Variants in PLEKHG1 observed in about 807,000 individuals in gnomAD.
PLEKHG1 encodes the protein pleckstrin homology and RhoGEF domain containing G1, also known as pleckstrin homology domain-containing family G member 1.
In PLEKHG1, 44 loss-of-function variants were observed where a neutral mutation model predicts 100.8. The observed-to-expected ratio is 0.44, with a 90% CI of 0.34 to 0.56. The LOEUF (loss-of-function observed/expected upper bound fraction) is 0.56. Ranked by LOEUF, PLEKHG1 falls within the 20% of genes least tolerant of loss-of-function variation. PLEKHG1 has a pLI of 0.01. For missense variants in PLEKHG1, 1,545 were observed against 1,720.9 expected (o/e 0.90, Z 1.81); for synonymous variants, 640 against 662.5 (o/e 0.97, Z 0.52).
At chr6:150,778,857 G>C (rs780367490) in intron 3 of PLEKHG1, among the ~76,000 whole-genome samples, 11 of 152,140 alleles carry the variant, frequency 7.2e-5, no homozygotes, top group Non-Finnish European at 1.3e-4. Flanking sequence ...TGTTTATCCT[G>C]TTCTAGAAAA....
intron 3 of PLEKHG1, among the ~76,000 whole-genome samples, chr6:150,704,389 C>G (rs1367706302): frequency 6.6e-6 from 1 of 152,224 alleles, no homozygotes; most frequent in Non-Finnish European, 1.5e-5. Flanking sequence ...ACCCTGGACC[C>G]CAGCATGATT....
At chr6:150,602,436 C>T (rs1202077891) in intron 1 of PLEKHG1, among the ~76,000 whole-genome samples, 1 of 152,170 alleles carries the variant, frequency 6.6e-6, no homozygotes, top group East Asian at 1.9e-4. Context: ...GTGTGATGCT[C>T]ACATCTACGT....
intron 1 of PLEKHG1, among the ~76,000 whole-genome samples, chr6:150,610,011 G>A (rs944382726): frequency 6.6e-6 from 1 of 152,196 alleles, no homozygotes; most frequent in Non-Finnish European, 1.5e-5. Context: ...GCGATGCTGG[G>A]TGAACTCCCC....
At chr6:150,656,674 GT>G (rs1778981569) in intron 3 of PLEKHG1, among the ~76,000 whole-genome samples, 2 of 152,134 alleles carry the variant, frequency 1.3e-5, no homozygotes, top group South Asian at 4.1e-4. Flanking sequence ...AACTACTTTA[GT>G]TTTTAAACCT....
chr6:150,773,510 G>A (rs563794976), intron 3 of PLEKHG1, among the ~76,000 whole-genome samples: 2 of 152,302 alleles, frequency 1.3e-5, no homozygotes, highest in East Asian at 1.9e-4. Context: ...CTTCAGCCTC[G>A]GCGACAAAGC....
exon 16 of PLEKHG1, chr6:150,842,365 G>C (rs1335049845): frequency 1.3e-5 from 2 of 151,582 alleles, no homozygotes; most frequent in Non-Finnish European, 2.9e-5. Flanking sequence ...AGGGGCCTGG[G>C]CTCTTCATTT....
chr6:150,764,018 A>T (rs2128636571), intron 2 of PLEKHG1, among the ~76,000 whole-genome samples: 1 of 151,762 alleles, frequency 6.6e-6, no homozygotes, highest in Non-Finnish European at 1.5e-5. Flanking sequence ...TCTCCACCTG[A>T]CTCAGGGTTA....
At chr6:150,691,937 C>G (rs1249528190) in intron 3 of PLEKHG1, among the ~76,000 whole-genome samples, 3 of 152,236 alleles carry the variant, frequency 2.0e-5, no homozygotes, top group African/African-American at 7.2e-5. Context: ...TCATTCACTT[C>G]CAGCCTAGGC....
chr6:150,657,311 A>C (rs1337458866), intron 3 of PLEKHG1, among the ~76,000 whole-genome samples: 3 of 152,228 alleles, frequency 2.0e-5, no homozygotes, highest in Non-Finnish European at 4.4e-5. Flanking sequence ...GAAGGCAAAG[A>C]TACAAGGCTT....
At position 150,747,689 on chromosome 6, in the gene PLEKHG1, G is replaced by A. The variant is rs573468977; in HGVS notation, c.411+13597G>A. 2.6e-5 allele frequency among the ~76,000 whole-genome samples: 4 copies of A among 152,160 alleles called. No homozygotes were observed. In the East Asian group the frequency reaches 7.7e-4, roughly 29 times the overall value. On this transcript the variant is annotated intron_variant, in intron 2 of 15. Coordinates refer to ENST00000358517, the Ensembl canonical transcript of PLEKHG1. ...GTGGGTGGATCCCCTGAGGTCAGGA[G>A]TTTAAAACCAGCCTGGCCAACATGG...
chr6:150,610,731 T>C (rs905412621), intron 1 of PLEKHG1, among the ~76,000 whole-genome samples: 6 of 152,230 alleles, frequency 3.9e-5, no homozygotes, highest in African/African-American at 1.4e-4. Context: ...AAATTGTTTT[T>C]GTTTGAATGA....
At chr6:150,637,067 C>T (rs1778034972) in intron 1 of PLEKHG1, among the ~76,000 whole-genome samples, 2 of 152,220 alleles carry the variant, frequency 1.3e-5, no homozygotes, top group South Asian at 4.1e-4. Flanking sequence ...TCACCCTACT[C>T]ATGACCTCCC....
chr6:150,717,205 TA>T (rs1332252277), upstream of PLEKHG1, among the ~76,000 whole-genome samples: 4 of 150,746 alleles, frequency 2.7e-5, no homozygotes, highest in Non-Finnish European at 5.9e-5. Flanking sequence ...CTAATTTTTG[TA>T]TTTTTTTTTT....
At chr6:150,757,202 A>G (rs1393694958) in intron 2 of PLEKHG1, among the ~76,000 whole-genome samples, 1 of 152,078 alleles carries the variant, frequency 6.6e-6, no homozygotes, top group Non-Finnish European at 1.5e-5. Context: ...GGGTTTTACC[A>G]TGTTGGTCAG....
rs1780018272 is a variant in PLEKHG1 at position 150,683,889 on chromosome 6, T to A, written c.-99+33103T>A. 6.0e-6 allele frequency: 7 copies of A among 1,158,402 alleles called. No homozygotes were observed. In the South Asian group the frequency reaches 8.1e-5, roughly 13 times the overall value. 71.8% of individuals were successfully genotyped at this position (1,158,402 alleles called of 1,614,324 possible). On this transcript the variant is annotated intron_variant, in intron 3 of 3. Transcript: ENST00000367326. This position sits in a 1 kb window ranked among gnomAD's most constrained non-coding sequence, Gnocchi z 4.0. ...GAAGGGGCCTGGGATGGAGGTAAGA[T>A]GGAGCGATCCTATGGTTTGGCACCT...
At chr6:150,765,095 G>C (rs1362529819) in intron 2 of PLEKHG1, among the ~76,000 whole-genome samples, 2 of 152,132 alleles carry the variant, frequency 1.3e-5, no homozygotes, top group Non-Finnish European at 2.9e-5. Flanking sequence ...AGTTATTCTA[G>C]TTTCAGAGGC....
chr6:150,674,635 CT>C (rs1779684801), intron 3 of PLEKHG1, among the ~76,000 whole-genome samples: 2 of 70,220 alleles, frequency 2.8e-5, no homozygotes, highest in East Asian at 3.9e-4. Context: ...TCTCCTCCCT[CT>C]CTCTCTCTCT....
chr6:150,637,651 C>G (rs1778063261), intron 1 of PLEKHG1, among the ~76,000 whole-genome samples: 1 of 152,092 alleles, frequency 6.6e-6, no homozygotes, highest in South Asian at 2.1e-4. Context: ...TGATGTTAGA[C>G]TTACGACATA....
Position 150,651,500 on chromosome 6 carries a change from C to T in PLEKHG1, c.-99+714C>T, listed in dbSNP as rs114471619. The stretch of plus-strand genomic sequence containing the variant: ...CCATCCACCTCGGCCACCTAAAGTA[C>T]TGGGATTACAGGTGAGAGCCACCAT... On this transcript the variant is annotated intron_variant, in intron 3 of 3. Coordinates refer to the PLEKHG1 transcript ENST00000367326. Among the ~76,000 whole-genome samples, 552 of 152,212 alleles carry T rather than the reference C, an allele frequency of 3.6e-3. 4 individuals are homozygous for T. The highest frequency in any genetic ancestry group is 0.013 in the African/African-American group (524 of 41,548).
Sources: gnomAD v4.1 joint callset for allele counts (sites outside exome capture counted in the v4.1 genomes callset) on GRCh38, gnomAD v4.1.1 for gene constraint, Gnocchi (gnomAD v3.1) non-coding constraint, MANE v1.5 for transcripts, NCBI Gene and HGNC (gene_info 2026-07-23, HGNC 2026-07-21) for gene names.